Variants in PAPSS1 observed in about 807,000 individuals in gnomAD.
PAPSS1 encodes the protein bifunctional 3'-phosphoadenosine 5'-phosphosulfate synthase 1.
In PAPSS1, 50 loss-of-function variants were observed where a neutral mutation model predicts 72.0. That is an observed-to-expected ratio of 0.69 (90% CI 0.55 to 0.88). PAPSS1 has a LOEUF of 0.88. PAPSS1 is among the 40% of genes least tolerant of loss of function. The pLI, the probability that PAPSS1 is intolerant of heterozygous loss-of-function variation, is 0.00. For missense variants in PAPSS1, 657 were observed against 782.2 expected, an observed-to-expected ratio of 0.84 and a Z score of 1.91; for synonymous variants, 261 against 263.6, an observed-to-expected ratio of 0.99 and a Z score of 0.09.
chr4:107,675,377 C>T (rs941036619), intron 5 of PAPSS1, among the ~76,000 whole-genome samples: 12 of 152,272 alleles, frequency 7.9e-5, no homozygotes, highest in African/African-American at 2.9e-4. Flanking sequence ...CACAGAAATA[C>T]AAACTACCAT....
chr4:107,645,731 G>T (rs1412320010), intron 9 of PAPSS1, among the ~76,000 whole-genome samples: 6 of 152,192 alleles, frequency 3.9e-5, no homozygotes, highest in African/African-American at 1.4e-4. Context: ...CCTACGTGGT[G>T]CTTGCTAGCA....
chr4:107,718,608 A>G (rs1723695420), intron 1 of PAPSS1, among the ~76,000 whole-genome samples: 1 of 152,212 alleles, frequency 6.6e-6, no homozygotes, highest in South Asian at 2.1e-4. Context: ...ACCCCAACAC[A>G]AACCATGAAC....
At chr4:107,616,910 T>A (rs1725838841) in intron 11 of PAPSS1, among the ~76,000 whole-genome samples, 1 of 152,202 alleles carries the variant, frequency 6.6e-6, no homozygotes, top group South Asian at 2.1e-4. Context: ...ATTAGAAGTT[T>A]CAGCATGCCC....
intron 5 of PAPSS1, among the ~76,000 whole-genome samples, chr4:107,673,024 C>T (rs1163719757): frequency 6.6e-6 from 1 of 152,308 alleles, no homozygotes; most frequent in Admixed American, 6.5e-5. Context: ...GGAAAACTAA[C>T]AAACAGAAAG....
chr4:107,720,187 G>C lies in PAPSS1; in HGVS notation c.-8C>G, dbSNP rs775143063. On this transcript the variant is annotated 5_prime_UTR_variant, in exon 1 of 12. Coordinates refer to ENST00000265174, the MANE Select transcript of PAPSS1 (RefSeq NM_005443.5). ...GCTCCCGGGGATCTCCATGACCGCG[G>C]AGCGCGCTGAGCAGCCGGGGTTCTC... The C allele has an allele frequency of 6.2e-7, 1 of 1,600,204 alleles. No homozygotes were observed. The highest frequency in any genetic ancestry group is 1.7e-5 in the Admixed American group (1 of 58,980).
At chr4:107,711,773 T>A (rs1354241057) in intron 1 of PAPSS1, among the ~76,000 whole-genome samples, 1 of 152,230 alleles carries the variant, frequency 6.6e-6, no homozygotes, top group African/African-American at 2.4e-5. Context: ...GAGTTCTTGA[T>A]AATTAAAACC....
At chr4:107,667,869 A>G (rs903386378) in intron 5 of PAPSS1, among the ~76,000 whole-genome samples, 1 of 152,210 alleles carries the variant, frequency 6.6e-6, no homozygotes, top group Non-Finnish European at 1.5e-5. Flanking sequence ...CACTAGCTGG[A>G]CACAGGTATG....
chr4:107,719,099 G>A (rs1158743346), intron 1 of PAPSS1, among the ~76,000 whole-genome samples: 2 of 151,882 alleles, frequency 1.3e-5, no homozygotes, highest in African/African-American at 4.8e-5. Flanking sequence ...AATAAAAGGA[G>A]AGAGGAATCA....
Position 107,654,702 on chromosome 4 carries a change from TA to T in PAPSS1, c.1093del (p.Tyr365IlefsTer5). ...QWGTTCKNHP[Y>X]IKMVMEQGDW... ...GCGAGGTTTTTTCAGCACCTTAATATAGGGGTGGTTCTTGCATGTCGTTCCC... is the reference window on the plus strand; with the variant it reads ...GCGAGGTTTTTTCAGCACCTTAATATGGGGTGGTTCTTGCATGTCGTTCCC... On this transcript the variant is annotated frameshift_variant, in exon 8 of 12. Coordinates refer to ENST00000265174, the MANE Select transcript of PAPSS1 (RefSeq NM_005443.5). LOFTEE classifies it high-confidence loss of function. The T allele has an allele frequency of 6.2e-7, 1 of 1,612,374 alleles. No homozygotes were observed. Among genetic ancestry groups the T allele is most frequent in the Non-Finnish European group, 8.5e-7 (1 of 1,179,500 alleles).
chr4:107,636,932 G>A (rs1166977073), intron 10 of PAPSS1, among the ~76,000 whole-genome samples: 2 of 152,148 alleles, frequency 1.3e-5, no homozygotes, highest in Non-Finnish European at 2.9e-5. Context: ...CATAGTGTGA[G>A]TCAAACAAGT....
intron 1 of PAPSS1, among the ~76,000 whole-genome samples, chr4:107,713,444 C>T (rs767569167): frequency 3.5e-4 from 53 of 151,968 alleles, no homozygotes; most frequent in Non-Finnish European, 5.0e-4. Context: ...ATACTAAAAA[C>T]CACTGAATTG....
At chr4:107,633,858 G>C (rs1345280320) in intron 10 of PAPSS1, among the ~76,000 whole-genome samples, 3 of 147,828 alleles carry the variant, frequency 2.0e-5, no homozygotes. Context: ...GGCGGAGCTT[G>C]CAGTGAGCTG....
intron 3 of PAPSS1, among the ~76,000 whole-genome samples, chr4:107,692,286 A>G (rs1722945627): frequency 6.6e-6 from 1 of 152,156 alleles, no homozygotes; most frequent in African/African-American, 2.4e-5. Context: ...CAAGGAACTT[A>G]AGCAAATTTA....
chr4:107,643,163 G>C (rs56282641), intron 10 of PAPSS1, among the ~76,000 whole-genome samples: 6 of 151,978 alleles, frequency 3.9e-5, no homozygotes, highest in Non-Finnish European at 5.9e-5. Flanking sequence ...AGCCAGACAC[G>C]AAAGAGTATA....
intron 10 of PAPSS1, among the ~76,000 whole-genome samples, chr4:107,637,067 C>T (rs367929585): frequency 2.0e-4 from 31 of 152,220 alleles, no homozygotes; most frequent in East Asian, 1.7e-3. Context: ...TTCTCCTTGC[C>T]ATCCATCATA....
At chr4:107,668,344 G>A (rs1013044441) in intron 5 of PAPSS1, among the ~76,000 whole-genome samples, 3 of 152,198 alleles carry the variant, frequency 2.0e-5, no homozygotes, top group African/African-American at 4.8e-5. Flanking sequence ...CTAGCACACA[G>A]TAAGAGTTCA....
At chr4:107,616,008 T>C (rs956997612) in intron 11 of PAPSS1, among the ~76,000 whole-genome samples, 1 of 152,152 alleles carries the variant, frequency 6.6e-6, no homozygotes, top group African/African-American at 2.4e-5. Context: ...GTTTGTCATC[T>C]AAGCCTTCCA....
At chr4:107,633,408 T>A (rs978000444) in intron 10 of PAPSS1, among the ~76,000 whole-genome samples, 2 of 152,194 alleles carry the variant, frequency 1.3e-5, no homozygotes, top group African/African-American at 4.8e-5. Context: ...GCACAACTGT[T>A]TTTCCTAGAG....
At chr4:107,684,526 G>C (rs967902742) in intron 4 of PAPSS1, among the ~76,000 whole-genome samples, 11 of 152,094 alleles carry the variant, frequency 7.2e-5, no homozygotes, top group African/African-American at 2.7e-4. Context: ...AAGAGATTAA[G>C]ATCTGAATGG....
Sources: allele counts gnomAD v4.1 joint callset (sites outside exome capture counted in the v4.1 genomes callset), GRCh38; gene constraint gnomAD v4.1.1; transcripts MANE v1.5; gene names NCBI Gene and HGNC (gene_info 2026-07-23, HGNC 2026-07-21).